CDS1: variants seen among roughly 807,000 people sequenced by gnomAD.
CDS1 encodes CDP-diacylglycerol synthase 1.
A neutral mutation model predicts 62.1 loss-of-function variants in CDS1; 41 were observed. The observed-to-expected ratio is 0.66, with a 90% CI of 0.51 to 0.86. The LOEUF (loss-of-function observed/expected upper bound fraction) is 0.86, where lower values mean the gene tolerates loss of function less well. Among genes scored for constraint, CDS1 ranks in the 40% least tolerant of loss-of-function variants. The pLI is 0.00. For synonymous variants in CDS1, 185 were observed against 192.6 expected, an observed-to-expected ratio of 0.96 and a Z score of 0.32; for missense variants, 470 against 550.1, an observed-to-expected ratio of 0.85 and a Z score of 1.46.
At chr4:84,645,197 CT>C in intron 11 of CDS1, 24 bp from the exon 12 acceptor site, 1 of 1,483,196 alleles carries the variant, frequency 6.7e-7, no homozygotes, top group Non-Finnish European at 9.4e-7. Context: ...TGAAAATTTG[CT>C]AATATATTTG....
intron 9 of CDS1, among the ~76,000 whole-genome samples, chr4:84,640,411 A>G (rs1308709823): frequency 1.3e-5 from 2 of 151,998 alleles, no homozygotes; most frequent in African/African-American, 4.8e-5. Context: ...TGGCCAGGGA[A>G]AGAATAATTT....
chr4:84,603,183 T>C (rs2110045989), intron 1 of CDS1, among the ~76,000 whole-genome samples: 1 of 152,334 alleles, frequency 6.6e-6, no homozygotes, highest in African/African-American at 2.4e-5. Flanking sequence ...TTGGAGCTAA[T>C]AAGGGCTGAG....
intron 11 of CDS1, 102 bp from the exon 12 acceptor site, chr4:84,645,120 A>G (rs1298781909): frequency 5.5e-6 from 4 of 732,348 alleles, no homozygotes; most frequent in East Asian, 5.2e-5. Flanking sequence ...ATAGTAATGT[A>G]TTTTCGTTAG....
intron 1 of CDS1, among the ~76,000 whole-genome samples, chr4:84,588,866 A>T (rs374703489): frequency 6.6e-6 from 1 of 152,230 alleles, no homozygotes; most frequent in African/African-American, 2.4e-5. Flanking sequence ...TGTAATCACA[A>T]CAAAATTCAG....
At chr4:84,602,609 C>G (rs1422762493) in intron 1 of CDS1, among the ~76,000 whole-genome samples, 3 of 152,060 alleles carry the variant, frequency 2.0e-5, no homozygotes, top group Non-Finnish European at 4.4e-5. Context: ...TAGAGAACCA[C>G]TTCCATTAGT....
At chr4:84,634,282 C>CA (rs942493435) in intron 7 of CDS1, among the ~76,000 whole-genome samples, 10 of 151,756 alleles carry the variant, frequency 6.6e-5, no homozygotes, top group African/African-American at 1.7e-4. Context: ...ACATAGAATG[C>CA]AAAAAAATAT....
chr4:84,585,795 G>A (rs903089559), intron 1 of CDS1, among the ~76,000 whole-genome samples: 38 of 152,140 alleles, frequency 2.5e-4, no homozygotes, highest in African/African-American at 9.2e-4. Context: ...ACCTGCAGAG[G>A]AATGTTCCCA....
intron 3 of CDS1, among the ~76,000 whole-genome samples, 187 bp from the exon 4 acceptor site, chr4:84,617,377 G>T (rs1197791405): frequency 6.6e-6 from 1 of 152,012 alleles, no homozygotes; most frequent in Admixed American, 6.6e-5. Flanking sequence ...ACATTATTTT[G>T]CCTACCCCTT....
intron 1 of CDS1, among the ~76,000 whole-genome samples, chr4:84,588,273 A>G (rs1722477499): frequency 6.6e-6 from 1 of 152,140 alleles, no homozygotes; most frequent in Non-Finnish European, 1.5e-5. Context: ...TGAGGAGAAA[A>G]CAATCCAGAG....
At chr4:84,630,794 C>T (rs1380062085) in intron 5 of CDS1, among the ~76,000 whole-genome samples, 3 of 151,620 alleles carry the variant, frequency 2.0e-5, no homozygotes, top group Admixed American at 2.0e-4. Context: ...CATAGAGCGA[C>T]ACTTGACTCA....
intron 10 of CDS1, among the ~76,000 whole-genome samples, chr4:84,642,215 C>A (rs1183319878): frequency 6.6e-6 from 1 of 151,740 alleles, no homozygotes; most frequent in African/African-American, 2.4e-5. Context: ...ATTCCAGCTA[C>A]TTTGGGAAGC....
At chr4:84,646,305 C>G (rs1402858528) in intron 12 of CDS1, among the ~76,000 whole-genome samples, 1 of 152,122 alleles carries the variant, frequency 6.6e-6, no homozygotes, top group African/African-American at 2.4e-5. Flanking sequence ...ATTTTCTCTA[C>G]TGTAAATTTT....
chr4:84,626,337 T>G (rs1245110800), intron 5 of CDS1, among the ~76,000 whole-genome samples: 1 of 152,234 alleles, frequency 6.6e-6, no homozygotes, highest in African/African-American at 2.4e-5. Context: ...TCACATGCAG[T>G]TGTAAGAAAT....
chr4:84,595,548 A>G (rs996000376), intron 1 of CDS1, among the ~76,000 whole-genome samples: 2 of 152,162 alleles, frequency 1.3e-5, no homozygotes, highest in Non-Finnish European at 2.9e-5. Context: ...TCCCCTTTGA[A>G]TATTTTTCAT....
chr4:84,642,262 G>T (rs1724408564), intron 10 of CDS1, among the ~76,000 whole-genome samples: 1 of 151,356 alleles, frequency 6.6e-6, no homozygotes. Flanking sequence ...GGAGGCGGAG[G>T]TTGCGGTGAG....
chr4:84,593,321 T>TC (rs1722647650), intron 1 of CDS1, among the ~76,000 whole-genome samples: 1 of 152,162 alleles, frequency 6.6e-6, no homozygotes, highest in Non-Finnish European at 1.5e-5. Flanking sequence ...ACTTATCCCC[T>TC]CAGAGGTATT....
intron 1 of CDS1, among the ~76,000 whole-genome samples, chr4:84,596,697 G>A (rs959180143): frequency 1.3e-5 from 2 of 152,178 alleles, no homozygotes; most frequent in Non-Finnish European, 2.9e-5. Context: ...GGATTAAGAC[G>A]TGAATATCTT....
chr4:84,604,528 A>G (rs945157815), intron 2 of CDS1, among the ~76,000 whole-genome samples, 158 bp downstream of exon 2: 1 of 152,174 alleles, frequency 6.6e-6, no homozygotes, highest in African/African-American at 2.4e-5. Context: ...CTATGTATTT[A>G]ATGTGTATCC....
intron 1 of CDS1, among the ~76,000 whole-genome samples, chr4:84,589,902 C>T (rs1274516140): frequency 6.6e-6 from 1 of 152,184 alleles, no homozygotes; most frequent in Non-Finnish European, 1.5e-5. Flanking sequence ...GCTCTGCCTC[C>T]CGGGTTCACG....
Sources: gnomAD v4.1 joint callset for allele counts (sites outside exome capture counted in the v4.1 genomes callset) on GRCh38, gnomAD v4.1.1 for gene constraint, MANE v1.5 for transcripts, NCBI Gene and HGNC (gene_info 2026-07-23, HGNC 2026-07-21) for gene names.